Variants in RPS6KB1 observed in about 807,000 individuals in gnomAD.
RPS6KB1 encodes ribosomal protein S6 kinase B1.
A neutral mutation model predicts 70.2 loss-of-function variants in RPS6KB1; 12 were observed. That is an observed-to-expected ratio of 0.17 (90% confidence interval 0.11 to 0.28). The LOEUF (loss-of-function observed/expected upper bound fraction) is 0.28, where lower values mean the gene tolerates loss of function less well. Ranked by LOEUF, RPS6KB1 falls within the 10% of genes least tolerant of loss-of-function variation. The pLI is 1.00. For missense variants in RPS6KB1, 270 were observed against 646.6 expected (o/e 0.42, Z 6.32); for synonymous variants, 175 against 211.2 (o/e 0.83, Z 1.49).
chr17:59,924,354 A>G (rs140470918), intron 4 of RPS6KB1, among the ~76,000 whole-genome samples: 1 of 152,182 alleles, frequency 6.6e-6, no homozygotes, highest in African/African-American at 2.4e-5. Flanking sequence ...TTTCTCCTAT[A>G]TCTTTTTTCT....
intron 13 of RPS6KB1, among the ~76,000 whole-genome samples, chr17:59,943,046 A>G (rs2044708331): frequency 6.6e-6 from 1 of 152,190 alleles, no homozygotes; most frequent in Non-Finnish European, 1.5e-5. Flanking sequence ...TGTATAGTAC[A>G]GTATGGTTTT....
chr17:59,915,757 C>T (rs1007024008), intron 4 of RPS6KB1, among the ~76,000 whole-genome samples: 10 of 145,856 alleles, frequency 6.9e-5, no homozygotes, highest in African/African-American at 1.8e-4. Context: ...CGAGCCACTG[C>T]GCCTGGCCTA....
At chr17:59,922,210 T>G (rs911030272) in intron 4 of RPS6KB1, among the ~76,000 whole-genome samples, 1 of 152,006 alleles carries the variant, frequency 6.6e-6, no homozygotes, top group Non-Finnish European at 1.5e-5. Context: ...CTGCCTAATT[T>G]TTGTAATTGT....
chr17:59,926,927 C>T (rs928098591), intron 5 of RPS6KB1, among the ~76,000 whole-genome samples: 1 of 152,078 alleles, frequency 6.6e-6, no homozygotes, highest in African/African-American at 2.4e-5. Context: ...AACATACTGA[C>T]TATTTTTGGA....
chr17:59,905,182 T>C (rs890358176), intron 1 of RPS6KB1, among the ~76,000 whole-genome samples: 3 of 151,406 alleles, frequency 2.0e-5, no homozygotes, highest in Non-Finnish European at 4.4e-5. Context: ...TATGCCTGGC[T>C]AATTTTGTAG....
At chr17:59,929,244 C>T (rs2043800085) in intron 5 of RPS6KB1, among the ~76,000 whole-genome samples, 1 of 151,914 alleles carries the variant, frequency 6.6e-6, no homozygotes, top group African/African-American at 2.4e-5. Flanking sequence ...GATTTTCCTG[C>T]CTCAGCCTCC....
At chr17:59,938,658 C>A (rs1244325218) in intron 12 of RPS6KB1, among the ~76,000 whole-genome samples, 4 of 151,220 alleles carry the variant, frequency 2.6e-5, no homozygotes, top group Admixed American at 2.0e-4. Flanking sequence ...AGATTAAACT[C>A]TCAGTATTGC....
chr17:59,934,106 C>T lies in RPS6KB1; in HGVS notation c.689-64C>T. The T allele has an allele frequency of 9.7e-7, 1 of 1,027,996 alleles. No individual in the cohort carries two copies. The highest frequency in any genetic ancestry group is 1.3e-5 in the South Asian group (1 of 77,024). 63.7% of individuals were successfully genotyped at this position (1,027,996 alleles called of 1,614,324 possible). On this transcript the variant is annotated intron_variant, in intron 7 of 14. Transcript: ENST00000225577. This position sits in a 1 kb window ranked among gnomAD's most constrained non-coding sequence, Gnocchi z 4.8. ...AAGGATAGATTAAAGTATTATGTGA[C>T]ATGTTCAAACACTGCACATACTTAT... is the stretch of plus-strand genomic sequence containing the variant.
chr17:59,931,649 T>A lies in RPS6KB1; in HGVS notation c.615T>A (p.Ala205=). 1 of 1,613,494 alleles carries A rather than the reference T, an allele frequency of 6.2e-7. No individual in the cohort carries two copies. Among genetic ancestry groups the A allele is most frequent in the South Asian group, 1.1e-5 (1 of 91,076 alleles). ...TTTACTTGGCAGAAATCTCCATGGC[T>A]TTGGGGCATTTACATCAAAAGGGGA... ...ACFYLAEISM[A]LGHLHQKGII... The change falls in exon 7 of 15, where the codon GCT becomes GCA. Residue 205 remains alanine, a synonymous_variant. Transcript: ENST00000225577.
At chr17:59,911,325 T>C (rs763697644) in intron 2 of RPS6KB1, among the ~76,000 whole-genome samples, 1 of 152,138 alleles carries the variant, frequency 6.6e-6, no homozygotes, top group African/African-American at 2.4e-5. Flanking sequence ...AGAAAGCATT[T>C]AAATGACAGA....
intron 1 of RPS6KB1, among the ~76,000 whole-genome samples, chr17:59,894,584 A>C (rs953468517): frequency 3.9e-5 from 6 of 152,180 alleles, no homozygotes; most frequent in African/African-American, 1.4e-4. Flanking sequence ...GTGGCCTAAA[A>C]TAATACTGTT....
In RPS6KB1 at chr17:59,935,054, T is replaced by C. The variant is rs2044150076; in HGVS notation, c.871-139T>C. 3 of 583,674 alleles carry C rather than the reference T, an allele frequency of 5.1e-6. No individual in the cohort carries two copies. In the Admixed American group the frequency reaches 9.3e-5, roughly 18 times the overall value. The allele number at this position is 583,674 out of a possible 1,614,324, so 36.2% of individuals were successfully genotyped here. On this transcript the variant is annotated intron_variant, in intron 9 of 14. Transcript: ENST00000225577. ...AAACAAAATAAAGGTCTTTAGCAGT[T>C]AGCCCATTTCACAGCATACATTTCT...
intron 4 of RPS6KB1, among the ~76,000 whole-genome samples, chr17:59,918,955 C>T (rs2043119178): frequency 6.6e-6 from 1 of 151,574 alleles, no homozygotes; most frequent in Admixed American, 6.6e-5. Flanking sequence ...CCTCAGCCAC[C>T]CAAGTAGCTG....
chr17:59,915,940 C>G (rs553452806), intron 4 of RPS6KB1, among the ~76,000 whole-genome samples: 1 of 151,508 alleles, frequency 6.6e-6, no homozygotes, highest in South Asian at 2.1e-4. Flanking sequence ...CATGTGCCAC[C>G]ACGCCCGGCT....
rs138753451 is a variant in RPS6KB1 at position 59,936,711 on chromosome 17, C to T, written c.1119+170C>T. Reference sequence around the variant, plus strand: ...ACATTTAAAAGTTAGCTGGGTGTGGCGGCTTGTGCCTGTAAGTCCCAGCTA... The same window carrying T: ...ACATTTAAAAGTTAGCTGGGTGTGGTGGCTTGTGCCTGTAAGTCCCAGCTA... On this transcript the variant is annotated intron_variant, in intron 12 of 14. Transcript: ENST00000225577. 9.8e-3 allele frequency among the ~76,000 whole-genome samples: 1,497 copies of T among 152,262 alleles called. 11 individuals carry two copies. The highest frequency in any genetic ancestry group is 0.017 in the Non-Finnish European group (1,188 of 68,016).
At chr17:59,932,768 G>T (rs2044001449) in intron 7 of RPS6KB1, among the ~76,000 whole-genome samples, 2 of 152,044 alleles carry the variant, frequency 1.3e-5, no homozygotes, top group African/African-American at 4.8e-5. Flanking sequence ...GCCCAGGGTG[G>T]TCTCAAACTC....
At chr17:59,931,917 G>C (rs890853674) in intron 7 of RPS6KB1, among the ~76,000 whole-genome samples, 195 bp downstream of exon 7, 1 of 152,146 alleles carries the variant, frequency 6.6e-6, no homozygotes, top group Admixed American at 6.6e-5. Context: ...AAAAGAAGTT[G>C]AGGATAATAG....
Position 59,893,234 on chromosome 17 carries a change from G to T in RPS6KB1, c.50G>T (p.Arg17Leu). ...RDGFYPAPDF[R>L]DREAEDMAGV... ...GGCTTTTACCCAGCCCCGGACTTCCGAGACAGGGAAGCTGAGGACATGGCA... is the reference window on the plus strand; with the variant it reads ...GGCTTTTACCCAGCCCCGGACTTCCTAGACAGGGAAGCTGAGGACATGGCA... The change falls in exon 1 of 15, where the codon CGA (arginine) becomes CTA (leucine). Residue 17 changes from arginine (R) to leucine (L), a missense_variant. Arg to Leu is a moderately radical substitution (Grantham distance 102, BLOSUM62 -2). This residue lies in a region of RPS6KB1 where 72 missense variants were observed against 93.4 expected (regional missense o/e 0.77). Transcript: ENST00000225577. This position sits in a 1 kb window ranked among gnomAD's most constrained non-coding sequence, Gnocchi z 4.1. 1 of 1,612,570 alleles carries T rather than the reference G, an allele frequency of 6.2e-7. No individual in the cohort carries two copies. Among genetic ancestry groups the T allele is most frequent in the Non-Finnish European group, 8.5e-7 (1 of 1,179,450 alleles).
intron 4 of RPS6KB1, among the ~76,000 whole-genome samples, chr17:59,918,726 T>C (rs2043105731): frequency 6.6e-6 from 1 of 152,156 alleles, no homozygotes; most frequent in Non-Finnish European, 1.5e-5. Context: ...CGCATGTTCT[T>C]TTTTGACTTT....
Sources: allele counts gnomAD v4.1 joint callset (sites outside exome capture counted in the v4.1 genomes callset), GRCh38; gene constraint gnomAD v4.1.1; regional missense constraint gnomAD v4.1.1; non-coding constraint Gnocchi (gnomAD v3.1); transcripts MANE v1.5; gene names NCBI Gene and HGNC (gene_info 2026-07-23, HGNC 2026-07-21).